Variants in DNM3 observed in about 807,000 individuals in gnomAD.
DNM3 encodes dynamin-3.
DNM3 carries 47 observed loss-of-function variants against 101.6 expected under a neutral mutation model. The ratio of observed to expected loss-of-function variants is 0.46; its 90% CI spans 0.37 to 0.59. The LOEUF (loss-of-function observed/expected upper bound fraction) is 0.59, where lower values mean the gene tolerates loss of function less well. Ranked by LOEUF, DNM3 falls within the 20% of genes least tolerant of loss-of-function variation. The pLI, the probability that DNM3 is intolerant of heterozygous loss-of-function variation, is 0.00. For synonymous variants in DNM3, 385 were observed against 387.9 expected, an observed-to-expected ratio of 0.99 and a Z score of 0.09; for missense variants, 849 against 1,085.7, an observed-to-expected ratio of 0.78 and a Z score of 3.06.
chr1:172,413,399 T>G (rs569009073), downstream of DNM3, among the ~76,000 whole-genome samples: 2 of 152,238 alleles, frequency 1.3e-5, no homozygotes, highest in South Asian at 2.1e-4. Flanking sequence ...GCTAATTTTT[T>G]TTGTAATTTA....
chr1:172,095,925 C>A (rs1017526476), intron 13 of DNM3, among the ~76,000 whole-genome samples: 1 of 152,170 alleles, frequency 6.6e-6, no homozygotes, highest in Non-Finnish European at 1.5e-5. Context: ...CTTCATTCAT[C>A]CTTCCACTCA....
intron 1 of DNM3, among the ~76,000 whole-genome samples, chr1:171,910,951 A>G (rs2039242689): frequency 6.6e-6 from 1 of 152,340 alleles, no homozygotes; most frequent in South Asian, 2.1e-4. Flanking sequence ...TCATTCCTCA[A>G]TAAAGAAAGA....
chr1:172,055,121 T>A (rs1464511013), intron 10 of DNM3, among the ~76,000 whole-genome samples: 1 of 152,174 alleles, frequency 6.6e-6, no homozygotes, highest in Admixed American at 6.5e-5. Flanking sequence ...TACCATGGCT[T>A]ACAAGGCCCT....
At chr1:172,012,980 C>A (rs1302576926) in intron 4 of DNM3, among the ~76,000 whole-genome samples, 1 of 151,806 alleles carries the variant, frequency 6.6e-6, no homozygotes, top group Non-Finnish European at 1.5e-5. Context: ...CAGAAAGTAA[C>A]AACATTGATT....
intron 10 of DNM3, among the ~76,000 whole-genome samples, chr1:172,063,971 A>G (rs114664358): frequency 0.013 from 1,991 of 152,122 alleles, 42 homozygotes; most frequent in African/African-American, 0.045. Flanking sequence ...TTTAAAAAAT[A>G]TTTCTCTTGT....
intron 14 of DNM3, among the ~76,000 whole-genome samples, chr1:172,238,942 C>A (rs1261462825): frequency 6.6e-6 from 1 of 152,164 alleles, no homozygotes; most frequent in African/African-American, 2.4e-5. Context: ...TCTCTAATTG[C>A]GGAATTTTCA....
chr1:171,956,034 T>C (rs1571819430), intron 2 of DNM3, among the ~76,000 whole-genome samples: 1 of 152,138 alleles, frequency 6.6e-6, no homozygotes, highest in East Asian at 1.9e-4. Flanking sequence ...CCATGACATG[T>C]GGGAGTTGTG....
chr1:172,193,481 A>G (rs514864), intron 14 of DNM3, among the ~76,000 whole-genome samples: 75,901 of 151,898 alleles, frequency 0.5, 20,996 homozygotes, highest in African/African-American at 0.75. Flanking sequence ...CTGTGAATCC[A>G]TCTGGTCCTG....
rs1417465528 is a variant in DNM3 at position 172,411,502 on chromosome 1, T to C, written c.*3661T>C. The C allele has an allele frequency of 1.0e-6, 1 of 984,154 alleles. No homozygotes were observed. The highest frequency in any genetic ancestry group is 1.2e-6 in the Non-Finnish European group (1 of 829,428). The allele number at this position is 984,154 out of a possible 1,614,324, so 61.0% of individuals were successfully genotyped here. A position where few individuals can be genotyped will look rare whatever the true frequency, so the allele number is the denominator to read the frequency against. ...CTGAGCTGAATCTTAAAAAGCCAAG[T>C]TGATATACATAGTCATTTTTCCTCT... On this transcript the variant is annotated 3_prime_UTR_variant, in exon 21 of 21. Coordinates refer to ENST00000627582, the MANE Select transcript of DNM3 (RefSeq NM_015569.5).
intron 14 of DNM3, among the ~76,000 whole-genome samples, chr1:172,184,500 T>G (rs886431690): frequency 3.9e-5 from 6 of 152,126 alleles, no homozygotes; most frequent in Admixed American, 3.3e-4. Context: ...ACAATGACCC[T>G]CAACACAGTA....
intron 15 of DNM3, among the ~76,000 whole-genome samples, chr1:172,299,386 A>G (rs1189796529): frequency 6.6e-6 from 1 of 152,160 alleles, no homozygotes; most frequent in Non-Finnish European, 1.5e-5. Flanking sequence ...AAATTTACTT[A>G]TTTATTTAAT....
chr1:172,057,538 T>C (rs978788879), intron 10 of DNM3, among the ~76,000 whole-genome samples: 3 of 152,232 alleles, frequency 2.0e-5, no homozygotes, highest in African/African-American at 7.2e-5. Context: ...GGGGCCAATA[T>C]TCAACATTCT....
At chr1:172,262,945 G>C (rs1368967259) in intron 15 of DNM3, among the ~76,000 whole-genome samples, 2 of 152,162 alleles carry the variant, frequency 1.3e-5, no homozygotes, top group Non-Finnish European at 2.9e-5. Context: ...ATGCCATCCA[G>C]TGGCAAAAGT....
chr1:172,094,638 G>T (rs900811369), intron 13 of DNM3, among the ~76,000 whole-genome samples: 1 of 152,158 alleles, frequency 6.6e-6, no homozygotes, highest in African/African-American at 2.4e-5. Flanking sequence ...AATGAGGTTT[G>T]CAGCCCAGTA....
rs113503375 is a variant in DNM3, at chr1:172,335,599, A to G, written c.1893+12259A>G. ...TCTTTGTCCATATATGCCATGGAAT[A>G]CCATGTGGCCATAAAAAAGAGTGAC... On this transcript the variant is annotated intron_variant, in intron 17 of 20. Transcript: ENST00000627582. Among the ~76,000 whole-genome samples, 23 of 152,292 alleles carry G rather than the reference A, an allele frequency of 1.5e-4. 1 individual carries two copies. Among genetic ancestry groups the G allele is most frequent in the African/African-American group, 3.6e-4 (15 of 41,578 alleles).
At chr1:172,230,711 C>T (rs1448264408) in intron 14 of DNM3, among the ~76,000 whole-genome samples, 2 of 152,086 alleles carry the variant, frequency 1.3e-5, no homozygotes, top group Admixed American at 6.5e-5. Context: ...CCCTCTTCAG[C>T]CCATTGCGAG....
chr1:172,320,397 G>GAAAAAAAAA (rs11345178), intron 16 of DNM3, among the ~76,000 whole-genome samples: 1 of 139,440 alleles, frequency 7.2e-6, no homozygotes. Flanking sequence ...ATAAAAAAAA[G>GAAAAAAAAA]AAAAAAAAAA....
intron 14 of DNM3, among the ~76,000 whole-genome samples, chr1:172,168,332 A>G (rs1242964274): frequency 1.3e-5 from 2 of 151,944 alleles, no homozygotes; most frequent in Non-Finnish European, 2.9e-5. Context: ...ATGGGCTATC[A>G]TTTCTCCTTG....
intron 15 of DNM3, chr1:172,289,611 G>A (rs758231352): frequency 1.2e-4 from 121 of 970,248 alleles, no homozygotes; most frequent in African/African-American, 5.3e-4. Flanking sequence ...TCTTTGCTTC[G>A]TTTTATAATT....
Sources: allele counts gnomAD v4.1 joint callset (sites outside exome capture counted in the v4.1 genomes callset), GRCh38; gene constraint gnomAD v4.1.1; transcripts MANE v1.5; gene names NCBI Gene and HGNC (gene_info 2026-07-23, HGNC 2026-07-21).